Variants in RYR2 observed in about 807,000 individuals in gnomAD.
RYR2 encodes the protein cardiac muscle ryanodine receptor-calcium release channel.
A neutral mutation model predicts 601.1 loss-of-function variants in RYR2; 227 were observed. That is an observed-to-expected ratio of 0.38 (90% CI 0.34 to 0.42). RYR2 has a LOEUF of 0.42. RYR2 is among the 10% of genes least tolerant of loss of function. The pLI is 1.00. For missense variants in RYR2, 4,646 were observed against 6,156.5 expected, an observed-to-expected ratio of 0.75 and a Z score of 8.21; for synonymous variants, 2,223 against 2,175.1, an observed-to-expected ratio of 1.02 and a Z score of -0.61.
At chr1:237,761,234 A>G (rs1002749530) in intron 84 of RYR2, among the ~76,000 whole-genome samples, 1 of 152,196 alleles carries the variant, frequency 6.6e-6, no homozygotes, top group African/African-American at 2.4e-5. Context: ...CTTGTGTGCC[A>G]GCCCCATTGC....
chr1:237,187,253 C>T (rs1679455700), intron 1 of RYR2, among the ~76,000 whole-genome samples: 1 of 151,552 alleles, frequency 6.6e-6, no homozygotes, highest in Admixed American at 6.6e-5. Flanking sequence ...TCACTGCGAC[C>T]TCTGCTTCCT....
intron 73 of RYR2, among the ~76,000 whole-genome samples, chr1:237,722,710 G>A (rs915180158): frequency 1.3e-5 from 2 of 152,186 alleles, no homozygotes; most frequent in Non-Finnish European, 2.9e-5. Context: ...TGGGATTACA[G>A]GCGTGAGCCA....
In RYR2 at chr1:237,631,059, T is replaced by C. The variant is rs116237898; in HGVS notation, c.6441-368T>C. On this transcript the variant is annotated intron_variant, in intron 41 of 104. Transcript: ENST00000366574. Reference sequence around the variant, plus strand: ...TATGAAAAGCAGAGATACTTATATATGAAGAATTTTTATATAAACATGGTA... The same window carrying C: ...TATGAAAAGCAGAGATACTTATATACGAAGAATTTTTATATAAACATGGTA... 6.8e-3 allele frequency among the ~76,000 whole-genome samples: 1,040 copies of C among 152,296 alleles called. 13 individuals are homozygous for C. Among genetic ancestry groups the C allele is most frequent in the African/African-American group, 0.023 (952 of 41,568 alleles).
At chr1:237,459,135 C>G (rs1659178776) in intron 16 of RYR2, among the ~76,000 whole-genome samples, 2 of 152,232 alleles carry the variant, frequency 1.3e-5, no homozygotes, top group South Asian at 4.1e-4. Flanking sequence ...CACTAAATTT[C>G]ATAATATAGC....
At chr1:237,702,705 C>T (rs1402594625) in intron 66 of RYR2, among the ~76,000 whole-genome samples, 1 of 151,966 alleles carries the variant, frequency 6.6e-6, no homozygotes, top group African/African-American at 2.4e-5. Context: ...TTTGCTTTTT[C>T]CAACTTCACA....
intron 8 of RYR2, among the ~76,000 whole-genome samples, chr1:237,382,890 T>C (rs1701650705): frequency 6.6e-6 from 1 of 150,710 alleles, no homozygotes; most frequent in Admixed American, 6.6e-5. Context: ...AGAACATCTA[T>C]TTCTCTGCCC....
intron 43 of RYR2, among the ~76,000 whole-genome samples, 159 bp downstream of exon 43, chr1:237,633,869 A>C (rs1460805525): frequency 3.9e-5 from 6 of 152,238 alleles, no homozygotes; most frequent in South Asian, 4.1e-4. Flanking sequence ...AATACTCGAC[A>C]TCACTCATCA....
At chr1:237,577,403 A>G (rs1673343601) in intron 29 of RYR2, among the ~76,000 whole-genome samples, 1 of 152,190 alleles carries the variant, frequency 6.6e-6, no homozygotes, top group Admixed American at 6.5e-5. Flanking sequence ...TGATTAAGAT[A>G]GTGATCTTGA....
At chr1:237,567,054 T>C (rs1256483185) in intron 28 of RYR2, among the ~76,000 whole-genome samples, 6 of 152,132 alleles carry the variant, frequency 3.9e-5, no homozygotes, top group African/African-American at 1.4e-4. Flanking sequence ...AGAGGAAAAA[T>C]GCATATACAT....
intron 92 of RYR2, among the ~76,000 whole-genome samples, chr1:237,789,720 G>T (rs989758642): frequency 1.8e-4 from 27 of 152,222 alleles, no homozygotes; most frequent in African/African-American, 6.3e-4. Context: ...GGGTTCACAT[G>T]TTCTGTTGTC....
intron 2 of RYR2, among the ~76,000 whole-genome samples, chr1:237,299,536 G>T (rs1264514204): frequency 1.3e-5 from 2 of 152,128 alleles, no homozygotes; most frequent in Non-Finnish European, 2.9e-5. Context: ...GGACTTCTGG[G>T]CCAGAAGAGG....
At chr1:237,771,817 A>G (rs1694295112) in intron 85 of RYR2, among the ~76,000 whole-genome samples, 195 bp from the exon 86 acceptor site, 1 of 152,176 alleles carries the variant, frequency 6.6e-6, no homozygotes, top group African/African-American at 2.4e-5. Context: ...TCATCAATGG[A>G]GCACCCAGAT....
chr1:237,109,127 A>G (rs1019668790), intron 1 of RYR2, among the ~76,000 whole-genome samples: 13 of 152,212 alleles, frequency 8.5e-5, no homozygotes, highest in Non-Finnish European at 1.2e-4. Flanking sequence ...CCATCTGTGT[A>G]TATATTCACA....
chr1:237,419,836 T>C (rs1432942843), intron 11 of RYR2, among the ~76,000 whole-genome samples: 2 of 152,084 alleles, frequency 1.3e-5, no homozygotes, highest in Non-Finnish European at 2.9e-5. Context: ...GTTTAGGAGC[T>C]TTTATTTTTT....
chr1:237,246,625 G>A (rs1305774452), intron 1 of RYR2, among the ~76,000 whole-genome samples: 1 of 152,078 alleles, frequency 6.6e-6, no homozygotes, highest in African/African-American at 2.4e-5. Context: ...TTTTAGAGAG[G>A]TATATTCTTC....
intron 3 of RYR2, among the ~76,000 whole-genome samples, chr1:237,334,846 A>G (rs181960462): frequency 1.0e-3 from 155 of 152,296 alleles, no homozygotes; most frequent in Non-Finnish European, 3.5e-4. Flanking sequence ...AGGGTTAAAA[A>G]CAGGGGTTTA....
chr1:237,611,058 G>A (rs1254272978), intron 36 of RYR2, 70 bp downstream of exon 36: 5 of 1,355,304 alleles, frequency 3.7e-6, no homozygotes, highest in East Asian at 2.4e-5. Flanking sequence ...GGGGCTTCCG[G>A]TAGTGGTGCG....
intron 10 of RYR2, among the ~76,000 whole-genome samples, chr1:237,392,919 A>C (rs549233438): frequency 6.6e-6 from 1 of 152,370 alleles, no homozygotes; most frequent in African/African-American, 2.4e-5. Flanking sequence ...AGTAGTATAC[A>C]CAAAGTTACA....
At chr1:237,826,462 C>T (rs1310017069) in intron 101 of RYR2, among the ~76,000 whole-genome samples, 1 of 152,074 alleles carries the variant, frequency 6.6e-6, no homozygotes, top group Non-Finnish European at 1.5e-5. Flanking sequence ...GGGAGTTAAA[C>T]AATGGTAACA....
Sources: gnomAD v4.1 joint callset for allele counts (sites outside exome capture counted in the v4.1 genomes callset) on GRCh38, gnomAD v4.1.1 for gene constraint, MANE v1.5 for transcripts, NCBI Gene and HGNC (gene_info 2026-07-23, HGNC 2026-07-21) for gene names.